FBXL17: variants seen among roughly 807,000 people sequenced by gnomAD.
FBXL17 encodes F-box and leucine rich repeat protein 17.
FBXL17 carries 22 observed loss-of-function variants against 66.2 expected under a neutral mutation model. The observed-to-expected ratio is 0.33, with a 90% CI of 0.24 to 0.47. The LOEUF is 0.47. Ranked by LOEUF, FBXL17 falls within the 20% of genes least tolerant of loss-of-function variation. FBXL17 has a pLI of 1.00. For missense variants in FBXL17, 878 were observed against 948.2 expected (o/e 0.93, Z 0.97); for synonymous variants, 474 against 400.5 (o/e 1.18, Z -2.19).
chr5:108,044,965 T>C (rs1561383121), intron 6 of FBXL17, among the ~76,000 whole-genome samples: 1 of 152,188 alleles, frequency 6.6e-6, no homozygotes, highest in Non-Finnish European at 1.5e-5. Flanking sequence ...TTTCCATGTG[T>C]GCAAGGTCGG....
At chr5:108,202,498 G>C (rs1413050609) in intron 5 of FBXL17, among the ~76,000 whole-genome samples, 1 of 152,210 alleles carries the variant, frequency 6.6e-6, no homozygotes, top group East Asian at 1.9e-4. Context: ...GTAATAATAA[G>C]GTAGAAGAGT....
chr5:108,159,959 T>C (rs1324165046), intron 6 of FBXL17, among the ~76,000 whole-genome samples: 1 of 152,046 alleles, frequency 6.6e-6, no homozygotes, highest in Non-Finnish European at 1.5e-5. Context: ...TCTCTATATG[T>C]AAAAAGAAAT....
chr5:107,888,540 G>A (rs1373670525), intron 7 of FBXL17, among the ~76,000 whole-genome samples: 1 of 152,050 alleles, frequency 6.6e-6, no homozygotes, highest in Non-Finnish European at 1.5e-5. Flanking sequence ...CTCCCAACAA[G>A]GATAATCATT....
intron 6 of FBXL17, among the ~76,000 whole-genome samples, chr5:108,087,958 T>G (rs1330955635): frequency 2.0e-5 from 3 of 152,180 alleles, no homozygotes; most frequent in Non-Finnish European, 4.4e-5. Flanking sequence ...AAACAAAAAT[T>G]GTAAATGTTG....
chr5:108,228,595 T>C (rs935555654), intron 4 of FBXL17, among the ~76,000 whole-genome samples: 11 of 152,216 alleles, frequency 7.2e-5, no homozygotes, highest in African/African-American at 2.4e-4. Context: ...GCATGGCACA[T>C]TGTAATTGTT....
chr5:108,078,413 T>C (rs1748635506), intron 6 of FBXL17, among the ~76,000 whole-genome samples: 1 of 152,142 alleles, frequency 6.6e-6, no homozygotes, highest in Admixed American at 6.5e-5. Flanking sequence ...GAAATCAAAA[T>C]ATTTTACTCC....
intron 4 of FBXL17, among the ~76,000 whole-genome samples, chr5:108,315,936 A>G (rs983634882): frequency 6.6e-6 from 1 of 151,500 alleles, no homozygotes; most frequent in African/African-American, 2.4e-5. Context: ...TCATTTTTAG[A>G]CATTCCAAAA....
chr5:108,172,727 A>G (rs1043216925), intron 6 of FBXL17, among the ~76,000 whole-genome samples: 7 of 152,134 alleles, frequency 4.6e-5, no homozygotes, highest in Non-Finnish European at 1.0e-4. Flanking sequence ...AGCCTTCAAC[A>G]CTTTTCTATT....
chr5:108,233,186 T>G (rs1755445212), intron 4 of FBXL17, among the ~76,000 whole-genome samples: 1 of 152,150 alleles, frequency 6.6e-6, no homozygotes, highest in Non-Finnish European at 1.5e-5. Context: ...CAATTGTTTT[T>G]TTTGCACTCT....
chr5:108,218,806 C>T (rs929104554), intron 5 of FBXL17, among the ~76,000 whole-genome samples: 2 of 151,984 alleles, frequency 1.3e-5, no homozygotes, highest in African/African-American at 4.8e-5. Context: ...GAGTCGAGTT[C>T]CTTATATATT....
chr5:108,032,110 A>G (rs951307796), intron 6 of FBXL17, among the ~76,000 whole-genome samples: 21 of 152,206 alleles, frequency 1.4e-4, no homozygotes, highest in Non-Finnish European at 2.8e-4. Context: ...TATCCTCCAC[A>G]TAAATAAGGC....
Position 108,330,093 on chromosome 5 carries a change from T to G in FBXL17, c.1506+18306A>C, listed in dbSNP as rs115429002. Among the ~76,000 whole-genome samples the G allele has an allele frequency of 4.9e-3, 740 of 152,278 alleles. 11 individuals are homozygous for G. The highest frequency in any genetic ancestry group is 0.017 in the African/African-American group (702 of 41,552). ...GTTACAAAAAAATAACTGAACCATA[T>G]AGCTAATAACCATGAAGTAGCCAAA... On this transcript the variant is annotated intron_variant, in intron 4 of 8. Transcript: ENST00000542267.
intron 4 of FBXL17, among the ~76,000 whole-genome samples, chr5:108,248,667 TA>T (rs1375154933): frequency 6.6e-6 from 1 of 152,106 alleles, no homozygotes; most frequent in East Asian, 1.9e-4. Context: ...ACCAAATTCC[TA>T]AAAACGAAAG....
chr5:107,871,283 C>A (rs145608264), intron 8 of FBXL17, among the ~76,000 whole-genome samples: 62 of 152,206 alleles, frequency 4.1e-4, no homozygotes, highest in Non-Finnish European at 7.1e-4. Context: ...ATGTGTGTTG[C>A]CTGTTAACAC....
At chr5:108,365,424 G>T (rs1748600016) in intron 2 of FBXL17, among the ~76,000 whole-genome samples, 1 of 152,078 alleles carries the variant, frequency 6.6e-6, no homozygotes, top group African/African-American at 2.4e-5. Flanking sequence ...GGAAGCTGGA[G>T]ATTGGGTTAT....
At chr5:108,180,193 G>C (rs994492203) in intron 6 of FBXL17, among the ~76,000 whole-genome samples, 2 of 152,132 alleles carry the variant, frequency 1.3e-5, no homozygotes, top group African/African-American at 4.8e-5. Context: ...ACTTCAAATG[G>C]TCTTATTTAA....
intron 7 of FBXL17, among the ~76,000 whole-genome samples, chr5:107,939,781 C>T (rs115425258): frequency 3.0e-3 from 464 of 152,238 alleles, no homozygotes; most frequent in Non-Finnish European, 5.2e-3. Flanking sequence ...CCGAAGTCTA[C>T]TAGCTCTTTC....
rs543494448 is a variant in FBXL17 at position 108,009,947 on chromosome 5, T to A, written c.1822+10978A>T. ...GGCACCTTCTACCTCGAGAATAGTGTCCATTTTGTACCGAGGAAATCTACC... is the reference window on the plus strand; with the variant it reads ...GGCACCTTCTACCTCGAGAATAGTGACCATTTTGTACCGAGGAAATCTACC... On this transcript the variant is annotated intron_variant, in intron 7 of 8. Coordinates refer to ENST00000542267, the MANE Select transcript of FBXL17 (RefSeq NM_001163315.3). Among the ~76,000 whole-genome samples, 42 of 152,236 alleles carry A rather than the reference T, an allele frequency of 2.8e-4. No homozygotes were observed. In the East Asian group the frequency reaches 7.6e-3, roughly 27 times the overall value.
At chr5:108,237,549 A>T (rs7728430) in intron 4 of FBXL17, among the ~76,000 whole-genome samples, 1 of 152,180 alleles carries the variant, frequency 6.6e-6, no homozygotes, top group Non-Finnish European at 1.5e-5. Flanking sequence ...ATAGAGACAT[A>T]TGAGCTTAAT....
Sources: gnomAD v4.1 joint callset for allele counts (sites outside exome capture counted in the v4.1 genomes callset) on GRCh38, gnomAD v4.1.1 for gene constraint, MANE v1.5 for transcripts, NCBI Gene and HGNC (gene_info 2026-07-23, HGNC 2026-07-21) for gene names.